The following ZNF521 variants were observed in gnomAD, a reference collection of about 807,000 sequenced individuals.
ZNF521 encodes zinc finger protein 521, also known as LYST-interacting protein 3.
ZNF521 carries 14 observed loss-of-function variants against 105.5 expected under a neutral mutation model. The observed-to-expected ratio is 0.13, with a 90% confidence interval of 0.09 to 0.21. ZNF521 has a LOEUF of 0.21. Ranked by LOEUF, ZNF521 falls within the 10% of genes least tolerant of loss-of-function variation. ZNF521 has a pLI of 1.00. For missense variants in ZNF521, 1,233 were observed against 1,629.7 expected (o/e 0.76, Z 4.19); for synonymous variants, 635 against 606.0 (o/e 1.05, Z -0.70).
In ZNF521 at chr18:25,062,516, CTT is replaced by C. The variant is rs1036039556; in HGVS notation, c.*194_*195del. ...CAGACGACATAATACATGTGCAACA[CTT>C]TATATACAAGGGGTCTATCCGGTGC... is the stretch of plus-strand genomic sequence containing the variant. On this transcript the variant is annotated 3_prime_UTR_variant, in exon 8 of 8. Coordinates refer to ENST00000361524, the MANE Select transcript of ZNF521 (RefSeq NM_015461.3). The C allele has an allele frequency of 2.8e-5, 18 of 653,104 alleles. No individual in the cohort carries two copies. Among genetic ancestry groups the C allele is most frequent in the South Asian group, 4.1e-5 (2 of 48,818 alleles). 40.5% of individuals were successfully genotyped at this position (653,104 alleles called of 1,614,324 possible).
At chr18:25,288,030 TG>T (rs1305121327) in intron 3 of ZNF521, among the ~76,000 whole-genome samples, 2 of 152,146 alleles carry the variant, frequency 1.3e-5, no homozygotes, top group African/African-American at 4.8e-5. Flanking sequence ...GATATAATAC[TG>T]AAAATGCCCC....
intron 2 of ZNF521, among the ~76,000 whole-genome samples, chr18:25,349,765 C>G (rs1389602700): frequency 6.6e-6 from 1 of 150,542 alleles, no homozygotes; most frequent in Non-Finnish European, 1.5e-5. Context: ...CCGGGCCGCG[C>G]GGACCTCGGC....
chr18:25,123,763 T>A (rs1296079476), intron 5 of ZNF521, among the ~76,000 whole-genome samples: 2 of 152,242 alleles, frequency 1.3e-5, no homozygotes, highest in African/African-American at 4.8e-5. Context: ...ATAAGAAACA[T>A]GAATTCCATA....
At chr18:25,118,165 C>A (rs2034365826) in intron 5 of ZNF521, among the ~76,000 whole-genome samples, 1 of 152,018 alleles carries the variant, frequency 6.6e-6, no homozygotes, top group Admixed American at 6.6e-5. Flanking sequence ...CTACAGAAAT[C>A]TGTCAACCTA....
chr18:25,143,703 C>G (rs576010106), intron 5 of ZNF521, among the ~76,000 whole-genome samples: 1 of 151,952 alleles, frequency 6.6e-6, no homozygotes, highest in African/African-American at 2.4e-5. Flanking sequence ...AAAGAAACAA[C>G]GTGTTTTCCC....
chr18:25,064,980 C>G lies in ZNF521; in HGVS notation c.3907-2239G>C, dbSNP rs2033015509. 2.0e-5 allele frequency among the ~76,000 whole-genome samples: 3 copies of G among 152,106 alleles called. No homozygotes were observed. In the South Asian group the frequency reaches 6.2e-4, roughly 32 times the overall value. On this transcript the variant is annotated intron_variant, in intron 7 of 7. Coordinates refer to ENST00000361524, the MANE Select transcript of ZNF521 (RefSeq NM_015461.3). ...TGATTTTTAATACTTCTGAAAAGTA[C>G]TTGTCACCGATATGTAGACAGAAAG...
intron 5 of ZNF521, among the ~76,000 whole-genome samples, chr18:25,140,763 G>A (rs2034831733): frequency 6.6e-6 from 1 of 152,164 alleles, no homozygotes; most frequent in African/African-American, 2.4e-5. Context: ...TATTGGTCCT[G>A]TTACATTCCT....
chr18:25,257,118 G>C (rs1295375754), intron 3 of ZNF521, among the ~76,000 whole-genome samples: 2 of 152,084 alleles, frequency 1.3e-5, no homozygotes, highest in East Asian at 3.9e-4. Context: ...TAAATACACT[G>C]TACTCATAGT....
chr18:25,141,577 G>T (rs568521730), intron 5 of ZNF521, among the ~76,000 whole-genome samples: 1 of 152,296 alleles, frequency 6.6e-6, no homozygotes, highest in Non-Finnish European at 1.5e-5. Flanking sequence ...CTTTGCCAGA[G>T]ATGGAAGCCT....
intron 3 of ZNF521, among the ~76,000 whole-genome samples, chr18:25,308,060 G>A (rs1052922101): frequency 6.6e-6 from 1 of 151,950 alleles, no homozygotes; most frequent in Non-Finnish European, 1.5e-5. Flanking sequence ...AAATTAGCTG[G>A]GCGTGATGGT....
chr18:25,092,414 C>T (rs1332754977), intron 5 of ZNF521, among the ~76,000 whole-genome samples: 1 of 152,100 alleles, frequency 6.6e-6, no homozygotes, highest in Non-Finnish European at 1.5e-5. Flanking sequence ...ATTTCCAAAG[C>T]CCTAAAATAA....
At chr18:25,272,562 C>T (rs912873647) in intron 3 of ZNF521, among the ~76,000 whole-genome samples, 7 of 152,094 alleles carry the variant, frequency 4.6e-5, no homozygotes, top group African/African-American at 1.4e-4. Flanking sequence ...CATATATACA[C>T]CACGGAATAC....
At chr18:25,264,219 GATTAGGATATTC>G (rs1308073001) in intron 3 of ZNF521, among the ~76,000 whole-genome samples, 1 of 152,106 alleles carries the variant, frequency 6.6e-6, no homozygotes, top group Admixed American at 6.5e-5. Flanking sequence ...TAAATGAGGG[GATTAGGATATTC>G]ATTCCTGGTA....
At chr18:25,237,209 G>T (rs574676159) in intron 3 of ZNF521, among the ~76,000 whole-genome samples, 2 of 152,254 alleles carry the variant, frequency 1.3e-5, no homozygotes, top group African/African-American at 4.8e-5. Flanking sequence ...TTTATCCACA[G>T]TTGACTAAAT....
At chr18:25,341,379 A>G (rs1914191977) in intron 2 of ZNF521, among the ~76,000 whole-genome samples, 2 of 152,212 alleles carry the variant, frequency 1.3e-5, no homozygotes, top group African/African-American at 4.8e-5. Context: ...CATCATACAC[A>G]TTCTCCAAGA....
At chr18:25,173,621 T>TTATCC (rs2035485622) in intron 5 of ZNF521, among the ~76,000 whole-genome samples, 1 of 152,128 alleles carries the variant, frequency 6.6e-6, no homozygotes, top group Non-Finnish European at 1.5e-5. Flanking sequence ...GTGTTTTAGA[T>TTATCC]TATCCATGTT....
chr18:25,164,192 T>C lies in ZNF521; in HGVS notation c.3658+30968A>G, dbSNP rs542636841. Reference sequence around the variant, plus strand: ...TTGAAGTAGGAATAGTTAAATAAAGTATGCTGGTTAACTGTGTAAATACTC... The same window carrying C: ...TTGAAGTAGGAATAGTTAAATAAAGCATGCTGGTTAACTGTGTAAATACTC... On this transcript the variant is annotated intron_variant, in intron 5 of 7. Coordinates refer to ENST00000361524, the MANE Select transcript of ZNF521 (RefSeq NM_015461.3). 5.3e-5 allele frequency among the ~76,000 whole-genome samples: 8 copies of C among 152,244 alleles called. No homozygotes were observed. The East Asian group carries it at 1.4e-3, about 26-fold the overall frequency.
chr18:25,209,100 A>G (rs2036132688), intron 4 of ZNF521, among the ~76,000 whole-genome samples: 1 of 152,008 alleles, frequency 6.6e-6, no homozygotes, highest in African/African-American at 2.4e-5. Context: ...TCAATTGCTT[A>G]CTTAGTAGTA....
At chr18:25,122,197 A>C (rs953850341) in intron 5 of ZNF521, among the ~76,000 whole-genome samples, 1 of 152,180 alleles carries the variant, frequency 6.6e-6, no homozygotes, top group African/African-American at 2.4e-5. Context: ...TACAGAAGAA[A>C]AGATTAGCAA....
Sources: allele counts gnomAD v4.1 joint callset (sites outside exome capture counted in the v4.1 genomes callset), GRCh38; gene constraint gnomAD v4.1.1; transcripts MANE v1.5; gene names NCBI Gene and HGNC (gene_info 2026-07-23, HGNC 2026-07-21).